The following IRF2 variants were observed in gnomAD, a reference collection of about 807,000 sequenced individuals.
The protein encoded by IRF2 is interferon regulatory factor 2.
Under a neutral mutation model 40.6 loss-of-function variants are expected in IRF2, and 15 were observed. The ratio of observed to expected loss-of-function variants is 0.37; its 90% CI spans 0.25 to 0.57. The LOEUF is 0.57. IRF2 is among the 20% of genes least tolerant of loss of function. The pLI, the probability that IRF2 is intolerant of heterozygous loss-of-function variation, is 0.77. For missense variants in IRF2, 317 were observed against 455.7 expected, an observed-to-expected ratio of 0.70 and a Z score of 2.77; for synonymous variants, 151 against 165.5, an observed-to-expected ratio of 0.91 and a Z score of 0.67.
intron 1 of IRF2, chr4:184,472,718 G>C (rs1414729295): frequency 6.6e-6 from 1 of 152,248 alleles, no homozygotes; most frequent in East Asian, 1.9e-4. Flanking sequence ...AGACAGTAGC[G>C]GGTCAGAAAC....
chr4:184,435,329 A>G (rs1405363487), intron 1 of IRF2, among the ~76,000 whole-genome samples: 1 of 152,202 alleles, frequency 6.6e-6, no homozygotes, highest in African/African-American at 2.4e-5. Context: ...AACCACTGAC[A>G]GTCATCTTCC....
Position 184,428,852 on chromosome 4 carries a change from G to A in IRF2, c.87+126C>T, listed in dbSNP as rs951977814. ...ACTTGATGTTTTATGATCATTTTGG[G>A]TTGGCTGGTTTTTGTCATGAATAAG... On this transcript the variant is annotated intron_variant, in intron 2 of 8. Coordinates refer to ENST00000393593, the MANE Select transcript of IRF2 (RefSeq NM_002199.4). 17 of 789,000 alleles carry A rather than the reference G, an allele frequency of 2.2e-5. No homozygotes were observed. The East Asian group carries it at 4.0e-4, about 19-fold the overall frequency. The allele number at this position is 789,000 out of a possible 1,614,324, so 48.9% of individuals were successfully genotyped here.
intron 1 of IRF2, among the ~76,000 whole-genome samples, chr4:184,465,070 T>C (rs2149918839): frequency 6.6e-6 from 1 of 152,368 alleles, no homozygotes; most frequent in Non-Finnish European, 1.5e-5. Context: ...AGGGGTTTTG[T>C]GTTTCTGCAG....
intron 1 of IRF2, among the ~76,000 whole-genome samples, chr4:184,437,062 T>C (rs1198810709): frequency 6.6e-6 from 1 of 152,082 alleles, no homozygotes; most frequent in Admixed American, 6.5e-5. Flanking sequence ...TTTTTTGTTT[T>C]TCGGGTTTTT....
rs1169844631 is a variant in IRF2, at chr4:184,390,636, G to A, written c.741+67C>T. The A allele has an allele frequency of 4.0e-6, 6 of 1,504,556 alleles. No homozygotes were observed. In the East Asian group the frequency reaches 1.1e-4, roughly 28 times the overall value. 93.2% of individuals were successfully genotyped at this position (1,504,556 alleles called of 1,614,324 possible). ...GGAAAGGTGCATAACCAGCAGCAAG[G>A]AAAGCCCGGAGCTGGTCGGGAGGCT... On this transcript the variant is annotated intron_variant, in intron 8 of 8. Transcript: ENST00000393593.
intron 1 of IRF2, among the ~76,000 whole-genome samples, chr4:184,472,819 A>T (rs1448112630): frequency 1.3e-5 from 2 of 152,162 alleles, no homozygotes; most frequent in African/African-American, 2.4e-5. Flanking sequence ...CGGCCTACAC[A>T]GACTGACCCG....
chr4:184,473,263 G>A (rs1194424231), intron 1 of IRF2, among the ~76,000 whole-genome samples: 1 of 150,660 alleles, frequency 6.6e-6, no homozygotes, highest in South Asian at 2.1e-4. Flanking sequence ...CGCGGCCCGC[G>A]CCCCGGGACC....
At chr4:184,396,327 C>T (rs894312602) in intron 7 of IRF2, among the ~76,000 whole-genome samples, 1 of 152,148 alleles carries the variant, frequency 6.6e-6, no homozygotes, top group Admixed American at 6.5e-5. Flanking sequence ...AAGGACCGGC[C>T]TTTGGCATCA....
chr4:184,413,381 C>T lies in IRF2; in HGVS notation c.411+4786G>A, dbSNP rs1221523251. Among the ~76,000 whole-genome samples the T allele has an allele frequency of 2.0e-5, 3 of 152,220 alleles. No individual in the cohort carries two copies. The highest frequency in any genetic ancestry group is 7.2e-5 in the African/African-American group (3 of 41,444). On this transcript the variant is annotated intron_variant, in intron 5 of 8. Coordinates refer to ENST00000393593, the MANE Select transcript of IRF2 (RefSeq NM_002199.4). The surrounding 1 kb of genome is among the most constrained non-coding windows in gnomAD (Gnocchi z 4.2). The stretch of plus-strand genomic sequence containing the variant: ...GAGGATCCCGGGCAGGCAGAATAAG[C>T]CTGATAACCTGCTTCACCCAGGGCA...
At chr4:184,426,295 C>T (rs561290155) in intron 2 of IRF2, among the ~76,000 whole-genome samples, 2 of 152,192 alleles carry the variant, frequency 1.3e-5, no homozygotes, top group East Asian at 3.9e-4. Context: ...GGATTACAGG[C>T]GTGAGCCACT....
chr4:184,411,564 T>C (rs1737074572), intron 5 of IRF2, among the ~76,000 whole-genome samples: 1 of 152,066 alleles, frequency 6.6e-6, no homozygotes, highest in Non-Finnish European at 1.5e-5. Flanking sequence ...GTACAGTCAA[T>C]GGCACAGTAA....
In IRF2 at chr4:184,408,127, G is replaced by T; in HGVS notation, c.529+31C>A. On this transcript the variant is annotated intron_variant, in intron 6 of 8. Coordinates refer to ENST00000393593, the MANE Select transcript of IRF2 (RefSeq NM_002199.4). The surrounding 1 kb of genome is among the most constrained non-coding windows in gnomAD (Gnocchi z 4.9). ...TTAGGCCCCAGGGGGCTGCTGGTAT[G>T]TATAAAAAATGAGACGTCAAAACAG... 1 of 1,321,890 alleles carries T rather than the reference G, an allele frequency of 7.6e-7. No homozygotes were observed. The highest frequency in any genetic ancestry group is 1.1e-6 in the Non-Finnish European group (1 of 917,006). The allele number at this position is 1,321,890 out of a possible 1,614,324, so 81.9% of individuals were successfully genotyped here.
At chr4:184,467,101 G>A (rs1451946155) in intron 1 of IRF2, among the ~76,000 whole-genome samples, 1 of 152,126 alleles carries the variant, frequency 6.6e-6, no homozygotes, top group African/African-American at 2.4e-5. Context: ...GTCAGCAGCT[G>A]CCTAGCAGTT....
rs70959195 is a variant in IRF2, at chr4:184,419,571, GAAAAAAAAAAAA to G, written c.88-15_88-4del. 8.8e-6 allele frequency: 8 copies of G among 912,794 alleles called. No individual in the cohort carries two copies. Among genetic ancestry groups the G allele is most frequent in the Admixed American group, 8.1e-5 (3 of 36,846 alleles). The allele number at this position is 912,794 out of a possible 1,614,324, so 56.5% of individuals were successfully genotyped here. ...GGGATCTGAAAAATCTTCTTTTCCT[GAAAAAAAAAAAA>G]AAAAAAAAGGTAAAGAACTGGAGTC... is the stretch of plus-strand genomic sequence containing the variant. On this transcript the variant is annotated splice_polypyrimidine_tract_variant and splice_region_variant and intron_variant, in intron 2 of 8. Transcript: ENST00000393593.
At chr4:184,454,467 A>G (rs1391041588) in intron 1 of IRF2, among the ~76,000 whole-genome samples, 3 of 152,302 alleles carry the variant, frequency 2.0e-5, no homozygotes, top group Non-Finnish European at 1.5e-5. Context: ...CTACCACTCT[A>G]AGTACAGGAA....
At chr4:184,411,104 C>T (rs926940625) in intron 5 of IRF2, among the ~76,000 whole-genome samples, 2 of 150,920 alleles carry the variant, frequency 1.3e-5, no homozygotes, top group African/African-American at 2.4e-5. Flanking sequence ...ATCACCCAGG[C>T]TAGAGTGCAA....
chr4:184,426,026 G>A (rs1045238574), intron 2 of IRF2, among the ~76,000 whole-genome samples: 2 of 151,464 alleles, frequency 1.3e-5, no homozygotes, highest in African/African-American at 2.4e-5. Context: ...TTTTGAGATG[G>A]AGTCTTGCTC....
At chr4:184,430,884 TG>T (rs1257937490) in intron 1 of IRF2, among the ~76,000 whole-genome samples, 1 of 152,090 alleles carries the variant, frequency 6.6e-6, no homozygotes, top group Non-Finnish European at 1.5e-5. Flanking sequence ...TTTGTAGAGC[TG>T]GGGTCTCCCT....
intron 6 of IRF2, among the ~76,000 whole-genome samples, chr4:184,401,175 G>A (rs182013938): frequency 1.3e-5 from 2 of 152,342 alleles, no homozygotes; most frequent in East Asian, 3.9e-4. Context: ...GAGACGCCAG[G>A]CGTCATGGAG....
Sources: gnomAD v4.1 joint callset for allele counts (sites outside exome capture counted in the v4.1 genomes callset) on GRCh38, gnomAD v4.1.1 for gene constraint, Gnocchi (gnomAD v3.1) non-coding constraint, MANE v1.5 for transcripts, NCBI Gene and HGNC (gene_info 2026-07-23, HGNC 2026-07-21) for gene names.